Variants in MACROD2 observed in about 807,000 individuals in gnomAD.
MACROD2 encodes ADP-ribose glycohydrolase MACROD2.
In MACROD2, 36 loss-of-function variants were observed where a neutral mutation model predicts 70.4. The ratio of observed to expected loss-of-function variants is 0.51; its 90% CI spans 0.39 to 0.68. The LOEUF is 0.68. Among genes scored for constraint, MACROD2 ranks in the 30% least tolerant of loss-of-function variants. The pLI is 0.00. For missense variants in MACROD2, 496 were observed against 538.4 expected (o/e 0.92, Z 0.78); for synonymous variants, 172 against 178.8 (o/e 0.96, Z 0.30).
At chr20:14,462,619 T>A (rs1204347018) in intron 3 of MACROD2, among the ~76,000 whole-genome samples, 1 of 152,088 alleles carries the variant, frequency 6.6e-6, no homozygotes, top group Non-Finnish European at 1.5e-5. Flanking sequence ...CATGCCTATG[T>A]CCTGAATGGT....
At chr20:15,396,413 G>A (rs913187138) in intron 6 of MACROD2, among the ~76,000 whole-genome samples, 6 of 152,184 alleles carry the variant, frequency 3.9e-5, no homozygotes, top group African/African-American at 1.4e-4. Flanking sequence ...ATGTGAGATC[G>A]TATTTGAACC....
intron 5 of MACROD2, among the ~76,000 whole-genome samples, chr20:15,184,074 G>C (rs190012044): frequency 7.3e-6 from 1 of 136,366 alleles, no homozygotes; most frequent in East Asian, 2.8e-4. Flanking sequence ...GATAGCGAAT[G>C]TTTCAAGGAA....
rs921135722 is a variant in MACROD2 at position 15,882,416 on chromosome 20, G to A, written c.728-3348G>A. ...GAATTTGAATGAGCCCAAGAGGCAG[G>A]CATTATCTTGTGAAAAACATCTGTC... is the stretch of plus-strand genomic sequence containing the variant. On this transcript the variant is annotated intron_variant, in intron 9 of 17. Transcript: ENST00000684519. Among the ~76,000 whole-genome samples the A allele has an allele frequency of 2.6e-5, 4 of 152,076 alleles. No individual in the cohort carries two copies. The East Asian group carries it at 7.7e-4, about 29-fold the overall frequency.
In MACROD2 at chr20:15,932,172, C is replaced by T. The variant is rs527661109; in HGVS notation, c.776-1104C>T. Among the ~76,000 whole-genome samples, 4 of 152,296 alleles carry T rather than the reference C, an allele frequency of 2.6e-5. No individual in the cohort carries two copies. In the East Asian group the frequency reaches 7.7e-4, roughly 29 times the overall value. ...GAAAGGTTCAAGAAGGCTTGGCTCA[C>T]AGGTCTGGCCCTTCATGCTCCCCAC... On this transcript the variant is annotated intron_variant, in intron 10 of 17. Coordinates refer to ENST00000684519, the MANE Select transcript of MACROD2 (RefSeq NM_001351661.2).
intron 2 of MACROD2, among the ~76,000 whole-genome samples, chr20:14,077,602 G>C (rs1203777018): frequency 3.9e-5 from 6 of 152,180 alleles, no homozygotes; most frequent in Non-Finnish European, 5.9e-5. Context: ...AAGGGAAAAA[G>C]AGTGTAATTT....
intron 8 of MACROD2, among the ~76,000 whole-genome samples, chr20:15,588,536 G>A (rs2048634709): frequency 6.6e-6 from 1 of 152,092 alleles, no homozygotes; most frequent in East Asian, 1.9e-4. Flanking sequence ...AAACGTTTAT[G>A]CTCTGTTTAC....
rs140558401 is a variant in MACROD2 at position 15,295,260 on chromosome 20, C to A, written c.540+65199C>A. On this transcript the variant is annotated intron_variant, in intron 6 of 17. Coordinates refer to ENST00000684519, the MANE Select transcript of MACROD2 (RefSeq NM_001351661.2). Reference sequence around the variant, plus strand: ...GTGGAACTGTGAGACCATTAAACCTCTTTTTCTTTAGAAATCTCCCAGTCT... The same window carrying A: ...GTGGAACTGTGAGACCATTAAACCTATTTTTCTTTAGAAATCTCCCAGTCT... Among the ~76,000 whole-genome samples the A allele has an allele frequency of 2.8e-3, 420 of 152,294 alleles. 3 individuals are homozygous for A. The highest frequency in any genetic ancestry group is 3.8e-3 in the Non-Finnish European group (258 of 68,028).
At position 14,085,788 on chromosome 20, in the gene MACROD2, A is replaced by C. The variant is rs955894464; in HGVS notation, c.271+60A>C. 1.2e-5 allele frequency: 11 copies of C among 930,390 alleles called. No homozygotes were observed. In the Admixed American group the frequency reaches 3.3e-4, roughly 28 times the overall value. 57.6% of individuals were successfully genotyped at this position (930,390 alleles called of 1,614,324 possible). ...TGTAAGTATTATTTCAAAATTTTTA[A>C]ATAAATAAGAATGTAAGTATTTTAG... On this transcript the variant is annotated intron_variant, in intron 3 of 17. Transcript: ENST00000684519.
At chr20:15,763,007 T>G (rs1409826047) in intron 8 of MACROD2, among the ~76,000 whole-genome samples, 1 of 152,212 alleles carries the variant, frequency 6.6e-6, no homozygotes, top group African/African-American at 2.4e-5. Flanking sequence ...TAAGGGAATT[T>G]CAGTATTTTG....
chr20:14,995,670 C>CA (rs1244365613), intron 5 of MACROD2, among the ~76,000 whole-genome samples: 5 of 151,644 alleles, frequency 3.3e-5, no homozygotes, highest in Non-Finnish European at 7.4e-5. Flanking sequence ...TAAATATTGA[C>CA]AAAACGTTAA....
intron 8 of MACROD2, among the ~76,000 whole-genome samples, chr20:15,572,977 A>G (rs995871578): frequency 6.6e-6 from 1 of 152,172 alleles, no homozygotes; most frequent in African/African-American, 2.4e-5. Context: ...TTGTATTACC[A>G]ATAAATTGAA....
At chr20:15,607,853 A>C (rs1027809153) in intron 8 of MACROD2, among the ~76,000 whole-genome samples, 5 of 152,176 alleles carry the variant, frequency 3.3e-5, no homozygotes, top group African/African-American at 1.2e-4. Context: ...ATGTTTCTAT[A>C]AGCCAAACTC....
chr20:14,673,591 T>C (rs2070821823), intron 4 of MACROD2, among the ~76,000 whole-genome samples: 1 of 152,144 alleles, frequency 6.6e-6, no homozygotes, highest in African/African-American at 2.4e-5. Flanking sequence ...ATAAGTAATC[T>C]ATTCTTGAAC....
At chr20:15,150,731 G>A (rs1011534799) in intron 5 of MACROD2, among the ~76,000 whole-genome samples, 3 of 151,912 alleles carry the variant, frequency 2.0e-5, no homozygotes, top group East Asian at 1.9e-4. Context: ...GAAGAAGGGC[G>A]GCAATGAGAT....
At chr20:15,706,986 A>G (rs1369779783) in intron 8 of MACROD2, among the ~76,000 whole-genome samples, 2 of 152,176 alleles carry the variant, frequency 1.3e-5, no homozygotes, top group Non-Finnish European at 2.9e-5. Context: ...GGCTTTCTGG[A>G]TAAATATTTC....
intron 8 of MACROD2, among the ~76,000 whole-genome samples, chr20:15,504,759 C>A (rs1286835217): frequency 6.6e-6 from 1 of 152,112 alleles, no homozygotes; most frequent in African/African-American, 2.4e-5. Flanking sequence ...GCATGATAAC[C>A]TTTCTCTAAG....
At chr20:14,698,092 T>C (rs919136179) in intron 5 of MACROD2, among the ~76,000 whole-genome samples, 3 of 152,152 alleles carry the variant, frequency 2.0e-5, no homozygotes, top group Admixed American at 2.0e-4. Context: ...AACTGTGCTG[T>C]GCTGAGCTGA....
intron 5 of MACROD2, among the ~76,000 whole-genome samples, chr20:15,147,531 A>ATC (rs11468117): frequency 1.3e-5 from 2 of 151,046 alleles, no homozygotes; most frequent in Non-Finnish European, 3.0e-5. Flanking sequence ...CTTTCTAGCA[A>ATC]TCTCTCTCTC....
chr20:14,109,780 T>C (rs2054422934), intron 3 of MACROD2, among the ~76,000 whole-genome samples: 1 of 151,828 alleles, frequency 6.6e-6, no homozygotes, highest in Non-Finnish European at 1.5e-5. Context: ...AAGAAAAGCC[T>C]GGGACCCAGT....
Sources: gnomAD v4.1 joint callset for allele counts (sites outside exome capture counted in the v4.1 genomes callset) on GRCh38, gnomAD v4.1.1 for gene constraint, MANE v1.5 for transcripts, NCBI Gene and HGNC (gene_info 2026-07-23, HGNC 2026-07-21) for gene names.